The following PRKN variants were observed in gnomAD, a reference collection of about 807,000 sequenced individuals.
The protein encoded by PRKN is parkin RBR E3 ubiquitin protein ligase.
PRKN carries 56 observed loss-of-function variants against 59.5 expected under a neutral mutation model. That is an observed-to-expected ratio of 0.94 (90% confidence interval 0.76 to 1.18). The LOEUF is 1.18. Ranked by LOEUF, PRKN falls within the 50% of genes most tolerant of loss-of-function variation. The probability of loss-of-function intolerance (pLI) is 0.00; values close to 1 mark genes in which losing one functional copy is unlikely to be tolerated. For synonymous variants in PRKN, 250 were observed against 222.1 expected, an observed-to-expected ratio of 1.13 and a Z score of -1.12; for missense variants, 657 against 596.4, an observed-to-expected ratio of 1.10 and a Z score of -1.06.
chr6:161,598,200 C>T (rs918424192), intron 7 of PRKN, among the ~76,000 whole-genome samples: 1 of 152,148 alleles, frequency 6.6e-6, no homozygotes, highest in Non-Finnish European at 1.5e-5. Context: ...TGCTCGATGC[C>T]TAGTGCTCTG....
intron 6 of PRKN, among the ~76,000 whole-genome samples, chr6:161,796,803 T>A (rs1790868627): frequency 6.6e-6 from 1 of 152,228 alleles, no homozygotes; most frequent in Admixed American, 6.5e-5. Flanking sequence ...AGAGCTGTTA[T>A]GTGGCACAAC....
chr6:162,285,547 T>C (rs1376263916), intron 2 of PRKN, among the ~76,000 whole-genome samples: 1 of 150,744 alleles, frequency 6.6e-6, no homozygotes, highest in African/African-American at 2.5e-5. Flanking sequence ...CTGAAACCAG[T>C]ATAGTGCGTG....
intron 7 of PRKN, among the ~76,000 whole-genome samples, chr6:161,744,442 C>CAA (rs1788328932): frequency 6.6e-6 from 1 of 152,162 alleles, no homozygotes; most frequent in Non-Finnish European, 1.5e-5. Flanking sequence ...TGAATGCTTG[C>CAA]TATGGGAGAT....
At chr6:162,531,794 G>T (rs1245859091) in intron 1 of PRKN, among the ~76,000 whole-genome samples, 1 of 152,082 alleles carries the variant, frequency 6.6e-6, no homozygotes, top group Non-Finnish European at 1.5e-5. Context: ...GGTCTGCTTT[G>T]GGAAAGGGAT....
At chr6:161,824,808 A>G (rs911545667) in intron 6 of PRKN, among the ~76,000 whole-genome samples, 24 of 152,242 alleles carry the variant, frequency 1.6e-4, no homozygotes, top group African/African-American at 3.4e-4. Flanking sequence ...CTGATTTGAC[A>G]TGATATACTA....
At chr6:161,912,642 C>G (rs957112065) in intron 6 of PRKN, among the ~76,000 whole-genome samples, 9 of 152,054 alleles carry the variant, frequency 5.9e-5, no homozygotes, top group African/African-American at 1.7e-4. Flanking sequence ...GAGAAGAGCA[C>G]AGAACCCAGC....
At chr6:162,595,072 G>A (rs1781449248) in intron 1 of PRKN, among the ~76,000 whole-genome samples, 1 of 151,838 alleles carries the variant, frequency 6.6e-6, no homozygotes, top group Non-Finnish European at 1.5e-5. Context: ...TACTTGGGAG[G>A]CTGAGGCAGG....
At chr6:162,214,382 G>A (rs1010415598) in intron 3 of PRKN, among the ~76,000 whole-genome samples, 3 of 152,166 alleles carry the variant, frequency 2.0e-5, no homozygotes, top group African/African-American at 7.2e-5. Flanking sequence ...TTTCTTCAGG[G>A]TTGGATGGTT....
At chr6:162,282,063 T>C (rs1164563057) in intron 2 of PRKN, among the ~76,000 whole-genome samples, 2 of 152,208 alleles carry the variant, frequency 1.3e-5, no homozygotes, top group African/African-American at 4.8e-5. Flanking sequence ...CATGCTCATC[T>C]GCCCATACTC....
chr6:162,179,976 G>C (rs1166567625), intron 4 of PRKN, among the ~76,000 whole-genome samples: 5 of 47,580 alleles, frequency 1.1e-4, no homozygotes, highest in African/African-American at 2.0e-4. Flanking sequence ...TACTGTGTGT[G>C]TGTGTGTGTG....
chr6:161,556,888 G>A (rs760591963), intron 8 of PRKN, among the ~76,000 whole-genome samples: 2 of 152,156 alleles, frequency 1.3e-5, no homozygotes, highest in South Asian at 2.1e-4. Flanking sequence ...ATCTGTGTGT[G>A]TGTAGATATG....
In PRKN at chr6:161,593,313, A is replaced by C. The variant is rs1781792037; in HGVS notation, c.872-23897T>G. Among the ~76,000 whole-genome samples, 1 of 152,178 alleles carries C rather than the reference A, an allele frequency of 6.6e-6. No individual in the cohort carries two copies. Among genetic ancestry groups the C allele is most frequent in the African/African-American group, 2.4e-5 (1 of 41,438 alleles). ...TGAGGGCAGGGCTATTGATATTTTC[A>C]TTATCCCCATTTAATGGATGAGGAC... On this transcript the variant is annotated intron_variant, in intron 7 of 11. Coordinates refer to ENST00000366898, the MANE Select transcript of PRKN (RefSeq NM_004562.3). This position sits in a 1 kb window ranked among gnomAD's most constrained non-coding sequence, Gnocchi z 4.8.
intron 1 of PRKN, among the ~76,000 whole-genome samples, chr6:162,471,892 G>C (rs7452477): frequency 0.29 from 44,338 of 151,788 alleles, 6,636 homozygotes; most frequent in East Asian, 0.44. Context: ...TGGAATTGCA[G>C]CCATCTTTTT....
chr6:162,432,478 T>A (rs569061410), intron 2 of PRKN, among the ~76,000 whole-genome samples: 1 of 151,814 alleles, frequency 6.6e-6, no homozygotes, highest in African/African-American at 2.4e-5. Flanking sequence ...GTGAGCTGAG[T>A]TCACACCACT....
chr6:162,657,923 C>T (rs552973811), intron 1 of PRKN, among the ~76,000 whole-genome samples: 1 of 152,240 alleles, frequency 6.6e-6, no homozygotes, highest in African/African-American at 2.4e-5. Flanking sequence ...ATCTCTGCCT[C>T]AGAGGATTAT....
At chr6:161,751,769 C>A (rs1335915686) in intron 7 of PRKN, among the ~76,000 whole-genome samples, 1 of 152,200 alleles carries the variant, frequency 6.6e-6, no homozygotes, top group Admixed American at 6.5e-5. Flanking sequence ...CAAATTATTA[C>A]GTGGGGTATA....
In PRKN at chr6:162,455,339, G is replaced by T. The variant is rs4709615; in HGVS notation, c.8-11866C>A. 3.3e-5 allele frequency among the ~76,000 whole-genome samples: 5 copies of T among 151,938 alleles called. No individual in the cohort carries two copies. In the East Asian group the frequency reaches 5.8e-4, roughly 18 times the overall value. On this transcript the variant is annotated intron_variant, in intron 1 of 11. Transcript: ENST00000366898. ...ATGCGTTTTGAGAAATGCATCCTTAGGCAATTTCATCATTGTGCAAACATC... is the reference window on the plus strand; with the variant it reads ...ATGCGTTTTGAGAAATGCATCCTTATGCAATTTCATCATTGTGCAAACATC...
At chr6:162,647,280 TATAA>T (rs1778221926) in intron 1 of PRKN, among the ~76,000 whole-genome samples, 1 of 152,124 alleles carries the variant, frequency 6.6e-6, no homozygotes, top group Non-Finnish European at 1.5e-5. Flanking sequence ...TAAATAAATT[TATAA>T]ATTAAATTTC....
intron 1 of PRKN, among the ~76,000 whole-genome samples, chr6:162,521,405 G>A (rs1778075014): frequency 1.3e-5 from 2 of 152,132 alleles, no homozygotes; most frequent in African/African-American, 4.8e-5. Context: ...ACTAAAGGGT[G>A]CTTTTCTCCC....
Sources: gnomAD v4.1 joint callset for allele counts (sites outside exome capture counted in the v4.1 genomes callset) on GRCh38, gnomAD v4.1.1 for gene constraint, Gnocchi (gnomAD v3.1) non-coding constraint, MANE v1.5 for transcripts, NCBI Gene and HGNC (gene_info 2026-07-23, HGNC 2026-07-21) for gene names.